Variants in PATJ observed in about 807,000 individuals in gnomAD.
The protein encoded by PATJ is inaD-like protein.
PATJ carries 190 observed loss-of-function variants against 224.9 expected under a neutral mutation model. The observed-to-expected ratio is 0.84, with a 90% CI of 0.75 to 0.95. The LOEUF is 0.95. PATJ is among the 40% of genes least tolerant of loss of function. The pLI, the probability that PATJ is intolerant of heterozygous loss-of-function variation, is 0.00. For synonymous variants in PATJ, 769 were observed against 820.3 expected, an observed-to-expected ratio of 0.94 and a Z score of 1.07; for missense variants, 2,121 against 2,270.3, an observed-to-expected ratio of 0.93 and a Z score of 1.34.
chr1:61,901,207 G>T (rs903781337), intron 23 of PATJ, 75 bp from the exon 24 acceptor site: 43 of 843,520 alleles, frequency 5.1e-5, no homozygotes, highest in Non-Finnish European at 6.9e-5. Flanking sequence ...ACAAGGATAT[G>T]ATGCAAATGG....
At chr1:61,891,564 C>T (rs1669615432) in intron 22 of PATJ, among the ~76,000 whole-genome samples, 2 of 152,118 alleles carry the variant, frequency 1.3e-5, no homozygotes, top group African/African-American at 4.8e-5. Flanking sequence ...AGCGGTGGCC[C>T]ACACTGCAGA....
At chr1:61,786,121 A>G (rs1244418792) in intron 7 of PATJ, among the ~76,000 whole-genome samples, 2 of 152,206 alleles carry the variant, frequency 1.3e-5, no homozygotes, top group African/African-American at 2.4e-5. Context: ...TCCCAGGTTC[A>G]AGTGATTCGC....
At chr1:61,783,658 T>A (rs1647857061) in intron 7 of PATJ, among the ~76,000 whole-genome samples, 1 of 151,402 alleles carries the variant, frequency 6.6e-6, no homozygotes, top group Non-Finnish European at 1.5e-5. Flanking sequence ...GGTTTAAAAT[T>A]TTTTTTTTAA....
At chr1:62,040,254 G>C (rs566108078) in intron 30 of PATJ, among the ~76,000 whole-genome samples, 1 of 151,612 alleles carries the variant, frequency 6.6e-6, no homozygotes, top group Non-Finnish European at 1.5e-5. Context: ...GATTACAGGC[G>C]CACACTACCA....
At chr1:61,954,696 AT>A (rs1680179978) in intron 27 of PATJ, among the ~76,000 whole-genome samples, 2 of 151,256 alleles carry the variant, frequency 1.3e-5, no homozygotes, top group South Asian at 4.2e-4. Context: ...TTAGATATGT[AT>A]TTTTTAAACA....
intron 6 of PATJ, among the ~76,000 whole-genome samples, chr1:61,773,330 A>G (rs1425698522): frequency 6.6e-6 from 1 of 151,872 alleles, no homozygotes; most frequent in African/African-American, 2.4e-5. Context: ...CCCTCCAATA[A>G]TGCTTTTTAT....
chr1:61,819,204 C>T (rs1656766600), intron 14 of PATJ, among the ~76,000 whole-genome samples: 1 of 152,142 alleles, frequency 6.6e-6, no homozygotes, highest in African/African-American at 2.4e-5. Flanking sequence ...ATGACCTCCA[C>T]TAGTGGGGCT....
chr1:61,934,789 G>A (rs946037973), intron 27 of PATJ, among the ~76,000 whole-genome samples: 5 of 152,164 alleles, frequency 3.3e-5, no homozygotes, highest in Non-Finnish European at 7.3e-5. Flanking sequence ...GTATTTGGCC[G>A]AATTAATGGC....
At chr1:61,754,060 A>G (rs1039908193) in intron 1 of PATJ, among the ~76,000 whole-genome samples, 1 of 152,226 alleles carries the variant, frequency 6.6e-6, no homozygotes, top group Non-Finnish European at 1.5e-5. Flanking sequence ...CTCTTGATCA[A>G]TGATGGAGTG....
At chr1:61,778,306 A>G (rs1484234260) in intron 7 of PATJ, among the ~76,000 whole-genome samples, 1 of 152,184 alleles carries the variant, frequency 6.6e-6, no homozygotes, top group Non-Finnish European at 1.5e-5. Context: ...GTGAGCCACC[A>G]TACCCAGCCT....
At chr1:61,863,005 C>A (rs1664853712) in intron 19 of PATJ, among the ~76,000 whole-genome samples, 1 of 142,100 alleles carries the variant, frequency 7.0e-6, no homozygotes, top group Non-Finnish European at 1.5e-5. Context: ...AAAAAAAATA[C>A]AGGGCAGTAT....
chr1:61,863,651 A>G (rs1336082080), intron 19 of PATJ, among the ~76,000 whole-genome samples: 2 of 152,194 alleles, frequency 1.3e-5, no homozygotes. Flanking sequence ...AATTTTTAAA[A>G]TACTGTATTC....
intron 1 of PATJ, among the ~76,000 whole-genome samples, chr1:61,757,292 G>A (rs761298452): frequency 5.3e-5 from 8 of 151,976 alleles, no homozygotes; most frequent in Non-Finnish European, 1.0e-4. Context: ...GGCTGGTCTT[G>A]AAATCCTGGG....
intron 13 of PATJ, among the ~76,000 whole-genome samples, chr1:61,807,681 C>A (rs35792661): frequency 6.6e-6 from 1 of 152,108 alleles, no homozygotes; most frequent in African/African-American, 2.4e-5. Flanking sequence ...TGAATGAATG[C>A]GTGTACTCCA....
chr1:61,986,018 T>C (rs1288296799), intron 27 of PATJ, among the ~76,000 whole-genome samples: 1 of 151,984 alleles, frequency 6.6e-6, no homozygotes, highest in Non-Finnish European at 1.5e-5. Flanking sequence ...AACAACCCCA[T>C]TTTACATAAG....
chr1:62,145,362 G>A (rs1484060263), intron 41 of PATJ, among the ~76,000 whole-genome samples: 1 of 152,198 alleles, frequency 6.6e-6, no homozygotes, highest in Non-Finnish European at 1.5e-5. Flanking sequence ...AGATAGTGAT[G>A]GTGGTAAGAA....
chr1:62,053,245 T>C (rs1485227998), intron 31 of PATJ, among the ~76,000 whole-genome samples: 1 of 152,228 alleles, frequency 6.6e-6, no homozygotes, highest in Admixed American at 6.5e-5. Flanking sequence ...ACCCATTGAC[T>C]AGTGTCTGTC....
At chr1:61,995,693 T>G (rs958562151) in intron 28 of PATJ, among the ~76,000 whole-genome samples, 1 of 152,230 alleles carries the variant, frequency 6.6e-6, no homozygotes, top group South Asian at 2.1e-4. Context: ...TCTTTGCCCT[T>G]TACTTCCATG....
intron 27 of PATJ, among the ~76,000 whole-genome samples, chr1:61,929,173 T>C (rs1009241764): frequency 2.0e-5 from 3 of 152,230 alleles, no homozygotes; most frequent in African/African-American, 4.8e-5. Context: ...GATATAGATA[T>C]CATGTCAGCT....
Sources: gnomAD v4.1 joint callset for allele counts (sites outside exome capture counted in the v4.1 genomes callset) on GRCh38, gnomAD v4.1.1 for gene constraint, MANE v1.5 for transcripts, NCBI Gene and HGNC (gene_info 2026-07-23, HGNC 2026-07-21) for gene names.